Variants in CHERP observed in about 807,000 individuals in gnomAD.
The protein encoded by CHERP is calcium homeostasis endoplasmic reticulum protein.
In CHERP, 8 loss-of-function variants were observed where a neutral mutation model predicts 113.8. That is an observed-to-expected ratio of 0.07 (90% CI 0.04 to 0.13). The LOEUF is 0.13. Among genes scored for constraint, CHERP ranks in the 10% least tolerant of loss-of-function variants. CHERP has a pLI of 1.00. For missense variants in CHERP, 884 were observed against 1,298.2 expected (o/e 0.68, Z 4.90); for synonymous variants, 559 against 524.5 (o/e 1.07, Z -0.90).
In CHERP at chr19:16,520,931, C is replaced by T. The variant is rs889970041; in HGVS notation, c.2115-19G>A. The T allele has an allele frequency of 2.2e-5, 35 of 1,607,434 alleles. No individual in the cohort carries two copies. The highest frequency in any genetic ancestry group is 2.9e-5 in the Non-Finnish European group (34 of 1,174,776). ...GCCTTCACTGTAAGACACGGCATTC[C>T]GTGTGTGACCACGTGACACCCACCC... is the stretch of plus-strand genomic sequence containing the variant. On this transcript the variant is annotated intron_variant, in intron 12 of 16. Coordinates refer to ENST00000546361, the MANE Select transcript of CHERP (RefSeq NM_006387.6). The surrounding 1 kb of genome is among the most constrained non-coding windows in gnomAD (Gnocchi z 4.0).
In CHERP at chr19:16,523,837, A is replaced by G. The variant is rs1291214806; in HGVS notation, c.1742-547T>C. 6.6e-6 allele frequency among the ~76,000 whole-genome samples: 1 copy of G among 152,184 alleles called. No homozygotes were observed. Among genetic ancestry groups the G allele is most frequent in the Admixed American group, 6.5e-5 (1 of 15,270 alleles). ...CTCCAGCCCCCAGATCCTTAAGACA[A>G]TACATTCCAGCTGTTGAAGCCGTCC... On this transcript the variant is annotated intron_variant, in intron 10 of 16. Transcript: ENST00000546361. The surrounding 1 kb of genome is among the most constrained non-coding windows in gnomAD (Gnocchi z 4.0).
At chr19:16,534,214 C>T (rs1404344195) in intron 3 of CHERP, among the ~76,000 whole-genome samples, 2 of 152,134 alleles carry the variant, frequency 1.3e-5, no homozygotes, top group Non-Finnish European at 2.9e-5. Flanking sequence ...CTGCACCCAG[C>T]TAATTTTTGT....
Position 16,519,467 on chromosome 19 carries a change from C to A in CHERP, c.2558-115G>T. The A allele has an allele frequency of 7.7e-7, 1 of 1,296,180 alleles. No homozygotes were observed. 80.3% of individuals were successfully genotyped at this position (1,296,180 alleles called of 1,614,324 possible). On this transcript the variant is annotated intron_variant, in intron 16 of 16. Coordinates refer to ENST00000546361, the MANE Select transcript of CHERP (RefSeq NM_006387.6). This position sits in a 1 kb window ranked among gnomAD's most constrained non-coding sequence, Gnocchi z 6.0. ...ACATGGGAAATGGGTAGAGAGAACCCGCAGGCCGGCCCTGTCTAGAGGGTC... is the reference window on the plus strand; with the variant it reads ...ACATGGGAAATGGGTAGAGAGAACCAGCAGGCCGGCCCTGTCTAGAGGGTC...
intron 8 of CHERP, among the ~76,000 whole-genome samples, chr19:16,528,587 ATC>A (rs1367146184): frequency 1.4e-4 from 21 of 152,196 alleles, no homozygotes; most frequent in Non-Finnish European, 1.5e-5. Context: ...ATTTCCCCAC[ATC>A]TGTTATTTTC....
At chr19:16,540,515 GGT>G (rs1365603617) in intron 2 of CHERP, among the ~76,000 whole-genome samples, 1 of 151,920 alleles carries the variant, frequency 6.6e-6, no homozygotes, top group African/African-American at 2.4e-5. Flanking sequence ...TGGGACTACA[GGT>G]GTGTGCCACC....
rs1193167025 is a variant in CHERP, at chr19:16,523,491, C to A, written c.1742-201G>T. ...GAGGGGCCTGTCCCGCACCCATAGG[C>A]ACAGCCGAGGGAGCTTGAGGCTGAG... On this transcript the variant is annotated intron_variant, in intron 10 of 16. Coordinates refer to ENST00000546361, the MANE Select transcript of CHERP (RefSeq NM_006387.6). This position sits in a 1 kb window ranked among gnomAD's most constrained non-coding sequence, Gnocchi z 4.0. Among the ~76,000 whole-genome samples the A allele has an allele frequency of 6.6e-6, 1 of 152,138 alleles. No individual in the cohort carries two copies. Among genetic ancestry groups the A allele is most frequent in the Non-Finnish European group, 1.5e-5 (1 of 68,028 alleles).
intron 3 of CHERP, among the ~76,000 whole-genome samples, chr19:16,533,762 T>TAAC (rs1305550448): frequency 6.8e-6 from 1 of 146,260 alleles, no homozygotes; most frequent in African/African-American, 2.6e-5. Context: ...ACCTTGTCTC[T>TAAC]AACAACAACA....
chr19:16,519,398 TG>T lies in CHERP; in HGVS notation c.2558-47del. The stretch of plus-strand genomic sequence containing the variant: ...ACAACCACAACAAGGCGGAGGCAGA[TG>T]GGGGTGCACGTGGGGGGCTGAATGT... On this transcript the variant is annotated intron_variant, in intron 16 of 16. Coordinates refer to ENST00000546361, the MANE Select transcript of CHERP (RefSeq NM_006387.6). The surrounding 1 kb of genome is among the most constrained non-coding windows in gnomAD (Gnocchi z 6.0). 6.3e-7 allele frequency: 1 copy of T among 1,578,716 alleles called. No individual in the cohort carries two copies.
In CHERP at chr19:16,530,546, C is replaced by G. The variant is rs1407871059; in HGVS notation, c.876+39G>C. Reference sequence around the variant, plus strand: ...CCAAACCCTCCTGGGGAACCCGCCCCAGCTCTAGGGTGAGGTGTGGGTGGG... The same window carrying G: ...CCAAACCCTCCTGGGGAACCCGCCCGAGCTCTAGGGTGAGGTGTGGGTGGG... On this transcript the variant is annotated intron_variant, in intron 7 of 16. Transcript: ENST00000546361. The surrounding 1 kb of genome is among the most constrained non-coding windows in gnomAD (Gnocchi z 4.1). 8.1e-6 allele frequency: 13 copies of G among 1,598,020 alleles called. No homozygotes were observed. Among genetic ancestry groups the G allele is most frequent in the Non-Finnish European group, 1.1e-5 (13 of 1,165,916 alleles).
chr19:16,530,918 G>C lies in CHERP; in HGVS notation c.675-38C>G. 1.2e-6 allele frequency: 2 copies of C among 1,601,500 alleles called. No homozygotes were observed. Among genetic ancestry groups the C allele is most frequent in the Non-Finnish European group, 1.7e-6 (2 of 1,174,886 alleles). On this transcript the variant is annotated intron_variant, in intron 5 of 16. Transcript: ENST00000546361. This position sits in a 1 kb window ranked among gnomAD's most constrained non-coding sequence, Gnocchi z 4.1. ...GACTTTCCGCGCGTCAGGGCCCTGG[G>C]GCGGGACCCGGCCACGCGCCCGTTA...
rs773653426 is a variant in CHERP, at chr19:16,533,882, G to C, written c.385-734C>G. 3.3e-5 allele frequency among the ~76,000 whole-genome samples: 5 copies of C among 152,276 alleles called. No homozygotes were observed. In the South Asian group the frequency reaches 1.0e-3, roughly 32 times the overall value. ...GAAGAGGATACACCCATGGCCTCTA[G>C]TGAAGCAAGAAGGGGGCAATCTCAT... is the stretch of plus-strand genomic sequence containing the variant. On this transcript the variant is annotated intron_variant, in intron 3 of 16. Coordinates refer to ENST00000546361, the MANE Select transcript of CHERP (RefSeq NM_006387.6).
chr19:16,520,048 G>T lies in CHERP; in HGVS notation c.2462+101C>A. The T allele has an allele frequency of 8.1e-7, 1 of 1,236,424 alleles. No individual in the cohort carries two copies. The highest frequency in any genetic ancestry group is 1.2e-6 in the Non-Finnish European group (1 of 862,638). The allele number at this position is 1,236,424 out of a possible 1,614,324, so 76.6% of individuals were successfully genotyped here. A position where few individuals can be genotyped will look rare whatever the true frequency, so the allele number is the denominator to read the frequency against. ...CACTGTCCCCGGGCTAATGCTGGCG[G>T]CCTCCTAACACAGTCTCCTAACCAC... On this transcript the variant is annotated intron_variant, in intron 15 of 16. Transcript: ENST00000546361. The surrounding 1 kb of genome is among the most constrained non-coding windows in gnomAD (Gnocchi z 4.0).
At chr19:16,541,440 T>C (rs899113788) in intron 2 of CHERP, 2 of 158,958 alleles carry the variant, frequency 1.3e-5, no homozygotes, top group Non-Finnish European at 2.7e-5. Flanking sequence ...GGGATAATTC[T>C]TTTTGATTTC....
intron 11 of CHERP, among the ~76,000 whole-genome samples, chr19:16,522,762 G>T (rs1357139748): frequency 6.6e-6 from 1 of 152,180 alleles, no homozygotes; most frequent in Non-Finnish European, 1.5e-5. Flanking sequence ...CCTGGACCAA[G>T]AAGGACGAAG....
At position 16,523,622 on chromosome 19, in the gene CHERP, A is replaced by G. The variant is rs1478091293; in HGVS notation, c.1742-332T>C. ...CCCCAGTAGCTCAGGACGGAACTGTATTTGGAGACAGAGCCTTCAAAGACA... is the reference window on the plus strand; with the variant it reads ...CCCCAGTAGCTCAGGACGGAACTGTGTTTGGAGACAGAGCCTTCAAAGACA... On this transcript the variant is annotated intron_variant, in intron 10 of 16. Coordinates refer to ENST00000546361, the MANE Select transcript of CHERP (RefSeq NM_006387.6). The surrounding 1 kb of genome is among the most constrained non-coding windows in gnomAD (Gnocchi z 4.0). Among the ~76,000 whole-genome samples, 1 of 152,144 alleles carries G rather than the reference A, an allele frequency of 6.6e-6. No homozygotes were observed. Among genetic ancestry groups the G allele is most frequent in the African/African-American group, 2.4e-5 (1 of 41,428 alleles).
rs376237090 is a variant in CHERP at position 16,523,192 on chromosome 19, G to A, written c.1840C>T (p.Pro614Ser). The A allele has an allele frequency of 1.9e-6, 3 of 1,576,560 alleles. No homozygotes were observed. Among genetic ancestry groups the A allele is most frequent in the Non-Finnish European group, 2.6e-6 (3 of 1,164,762 alleles). ...TGCCCGTTGAAGCCATGGGGGGGAG[G>A]GCCGAAGTCAGGGTGCTGGGGTCCA... ...WAGPQHPDFG[P>S]PPHGFNGQPP... Residue 614 changes from proline (P) to serine (S), a missense_variant, in exon 11 of 17, where the codon CCT (proline) becomes TCT (serine). Physicochemically the swap from Pro to Ser is moderately conservative, Grantham distance 74. This residue lies in a region of CHERP where 464 missense variants were observed against 590.1 expected (regional missense o/e 0.79). Coordinates refer to ENST00000546361, the MANE Select transcript of CHERP (RefSeq NM_006387.6). This position sits in a 1 kb window ranked among gnomAD's most constrained non-coding sequence, Gnocchi z 4.0.
At chr19:16,537,995 A>C (rs1472499530) in intron 2 of CHERP, among the ~76,000 whole-genome samples, 1 of 152,214 alleles carries the variant, frequency 6.6e-6, no homozygotes, top group Non-Finnish European at 1.5e-5. Flanking sequence ...GAGTTCGTGA[A>C]GCTCCATTCT....
In CHERP at chr19:16,525,164, A is replaced by G. The variant is rs538453851; in HGVS notation, c.1741+78T>C. 1.6e-6 allele frequency: 2 copies of G among 1,287,900 alleles called. No homozygotes were observed. Among genetic ancestry groups the G allele is most frequent in the East Asian group, 2.9e-5 (1 of 34,128 alleles). 79.8% of individuals were successfully genotyped at this position (1,287,900 alleles called of 1,614,324 possible). ...GCACTCAGGAGCATGGCAGGGCCACAAGCAGCGCCACCAGCCTGCTCGGCA... is the reference window on the plus strand; with the variant it reads ...GCACTCAGGAGCATGGCAGGGCCACGAGCAGCGCCACCAGCCTGCTCGGCA... On this transcript the variant is annotated intron_variant, in intron 10 of 16. Transcript: ENST00000546361. This position sits in a 1 kb window ranked among gnomAD's most constrained non-coding sequence, Gnocchi z 6.5.
In CHERP at chr19:16,525,231, C is replaced by T. The variant is rs750596932; in HGVS notation, c.1741+11G>A. 27 of 1,426,168 alleles carry T rather than the reference C, an allele frequency of 1.9e-5. No individual in the cohort carries two copies. The East Asian group carries it at 3.0e-4, about 16-fold the overall frequency. The allele number at this position is 1,426,168 out of a possible 1,614,324, so 88.3% of individuals were successfully genotyped here. On this transcript the variant is annotated intron_variant, in intron 10 of 16. Transcript: ENST00000546361. The surrounding 1 kb of genome is among the most constrained non-coding windows in gnomAD (Gnocchi z 6.5). ...CTCCGCCAGGCCCTACCCAGGCGCC[C>T]GTACACTCACCGGCAGGGAAGTCCC...
Sources: gnomAD v4.1 joint callset for allele counts (sites outside exome capture counted in the v4.1 genomes callset) on GRCh38, gnomAD v4.1.1 for gene constraint, gnomAD v4.1.1 regional missense constraint, Gnocchi (gnomAD v3.1) non-coding constraint, MANE v1.5 for transcripts, NCBI Gene and HGNC (gene_info 2026-07-23, HGNC 2026-07-21) for gene names.